AGBL1: variants seen among roughly 807,000 people sequenced by gnomAD.
AGBL1 encodes AGBL carboxypeptidase 1.
A neutral mutation model predicts 118.9 loss-of-function variants in AGBL1; 130 were observed. That is an observed-to-expected ratio of 1.09 (90% CI 0.95 to 1.26). The LOEUF (loss-of-function observed/expected upper bound fraction) is 1.26, where lower values mean the gene tolerates loss of function less well. AGBL1 is among the 50% of genes most tolerant of loss of function. The probability of loss-of-function intolerance (pLI) is 0.00; values close to 1 mark genes in which losing one functional copy is unlikely to be tolerated. For missense variants in AGBL1, 1,584 were observed against 1,298.1 expected (o/e 1.22, Z -3.38); for synonymous variants, 555 against 478.9 (o/e 1.16, Z -2.08).
At chr15:86,763,456 A>G (rs1277971159) in intron 22 of AGBL1, among the ~76,000 whole-genome samples, 1 of 151,976 alleles carries the variant, frequency 6.6e-6, no homozygotes, top group East Asian at 1.9e-4. Flanking sequence ...ACTTTAGTGA[A>G]AAAAACACAT....
intron 18 of AGBL1, among the ~76,000 whole-genome samples, chr15:86,501,239 A>T (rs1426738642): frequency 2.0e-5 from 3 of 151,582 alleles, no homozygotes; most frequent in African/African-American, 7.3e-5. Flanking sequence ...TTTGATTTTC[A>T]TTTACCTAAT....
chr15:86,661,574 A>G (rs549440171), intron 21 of AGBL1, among the ~76,000 whole-genome samples: 24 of 152,106 alleles, frequency 1.6e-4, no homozygotes, highest in Middle Eastern at 3.4e-3. Flanking sequence ...ATTCTTCAGG[A>G]AGCCAAGGAC....
intron 21 of AGBL1, among the ~76,000 whole-genome samples, chr15:86,593,577 T>G (rs1296031623): frequency 1.3e-5 from 2 of 152,198 alleles, no homozygotes; most frequent in Admixed American, 6.5e-5. Context: ...ATAGATAAAT[T>G]GCATGGACTA....
At chr15:86,432,179 A>G (rs2081943060) in intron 18 of AGBL1, among the ~76,000 whole-genome samples, 1 of 152,192 alleles carries the variant, frequency 6.6e-6, no homozygotes, top group Admixed American at 6.5e-5. Context: ...CATACATGTC[A>G]AACTGCAATT....
intron 22 of AGBL1, among the ~76,000 whole-genome samples, chr15:86,854,569 C>A (rs2079452064): frequency 6.6e-6 from 1 of 152,164 alleles, no homozygotes; most frequent in Admixed American, 6.5e-5. Context: ...ATGCACACAA[C>A]CTGATTTTAT....
intron 21 of AGBL1, among the ~76,000 whole-genome samples, chr15:86,589,288 G>C (rs1032964808): frequency 2.0e-5 from 3 of 152,136 alleles, no homozygotes; most frequent in Non-Finnish European, 4.4e-5. Context: ...TACTGCAGAA[G>C]AGTGCAGTGG....
At chr15:86,356,355 T>TGTGCGC (rs151263305) in intron 17 of AGBL1, among the ~76,000 whole-genome samples, 2 of 150,906 alleles carry the variant, frequency 1.3e-5, no homozygotes, top group African/African-American at 4.9e-5. Context: ...TGTGTGTGTG[T>TGTGCGC]GCGCGTGCGC....
chr15:86,226,212 A>G (rs926991502), intron 6 of AGBL1, among the ~76,000 whole-genome samples: 8 of 152,032 alleles, frequency 5.3e-5, no homozygotes, highest in Non-Finnish European at 8.8e-5. Context: ...TTCAGACTGA[A>G]CTTGCTTCAG....
intron 22 of AGBL1, among the ~76,000 whole-genome samples, chr15:86,803,714 G>A (rs2078680795): frequency 6.6e-6 from 1 of 152,084 alleles, no homozygotes. Context: ...AAGTCTTGAA[G>A]GAAAGAGACT....
At chr15:86,285,104 G>T (rs1156981047) in intron 16 of AGBL1, among the ~76,000 whole-genome samples, 1 of 152,046 alleles carries the variant, frequency 6.6e-6, no homozygotes, top group South Asian at 2.1e-4. Flanking sequence ...ACCAGAGATG[G>T]GAGATCATTT....
intron 21 of AGBL1, among the ~76,000 whole-genome samples, chr15:86,572,217 A>AGC (rs140117049): frequency 0.048 from 7,286 of 152,144 alleles, 192 homozygotes; most frequent in South Asian, 0.071. Context: ...GGCCCCCAAG[A>AGC]ACAGAGATGC....
chr15:86,115,556 T>A (rs1897700554), intron 1 of AGBL1, among the ~76,000 whole-genome samples: 1 of 152,186 alleles, frequency 6.6e-6, no homozygotes, highest in Non-Finnish European at 1.5e-5. Context: ...AGTGAAATGC[T>A]CAGAATTATT....
At chr15:86,933,649 G>A (rs1297313411) in intron 23 of AGBL1, among the ~76,000 whole-genome samples, 1 of 152,198 alleles carries the variant, frequency 6.6e-6, no homozygotes, top group African/African-American at 2.4e-5. Context: ...CCTGCTAGGT[G>A]ATTACATCCC....
intron 23 of AGBL1, among the ~76,000 whole-genome samples, chr15:86,972,985 C>A (rs968950632): frequency 1.3e-5 from 2 of 151,736 alleles, no homozygotes; most frequent in Admixed American, 6.6e-5. Flanking sequence ...TGGTTAAGAA[C>A]AAAGAATTTG....
In AGBL1 at chr15:86,679,998, T is replaced by A. The variant is rs114561484; in HGVS notation, c.3158+5562T>A. 5.0e-3 allele frequency among the ~76,000 whole-genome samples: 765 copies of A among 152,292 alleles called. 5 individuals are homozygous for A. Among genetic ancestry groups the A allele is most frequent in the African/African-American group, 0.017 (712 of 41,576 alleles). ...TGAAGTCTGTGCTTGGTTTCTATTG[T>A]TCTATGACCTGGAACACTTTAAATT... On this transcript the variant is annotated intron_variant, in intron 22 of 22. Transcript: ENST00000614907.
At chr15:86,985,383 T>A (rs2081271550) in intron 23 of AGBL1, among the ~76,000 whole-genome samples, 1 of 152,242 alleles carries the variant, frequency 6.6e-6, no homozygotes, top group Non-Finnish European at 1.5e-5. Flanking sequence ...AGTTGCTTTA[T>A]ATCTCATCAG....
intron 15 of AGBL1, among the ~76,000 whole-genome samples, chr15:86,272,357 A>C (rs2079175275): frequency 6.6e-6 from 1 of 152,236 alleles, no homozygotes; most frequent in African/African-American, 2.4e-5. Context: ...CAGATGAAAA[A>C]TAAAATTCAA....
intron 22 of AGBL1, among the ~76,000 whole-genome samples, chr15:86,782,863 C>T (rs1222504571): frequency 6.6e-6 from 1 of 152,150 alleles, no homozygotes; most frequent in Admixed American, 6.5e-5. Flanking sequence ...GACAGTGGGG[C>T]CATTTTTGTT....
chr15:86,299,146 C>T (rs149636623), intron 17 of AGBL1, among the ~76,000 whole-genome samples: 1 of 152,038 alleles, frequency 6.6e-6, no homozygotes, highest in Non-Finnish European at 1.5e-5. Context: ...TTTTGAAATG[C>T]TCCCAATAAA....
Sources: allele counts gnomAD v4.1 joint callset (sites outside exome capture counted in the v4.1 genomes callset), GRCh38; gene constraint gnomAD v4.1.1; transcripts MANE v1.5; gene names NCBI Gene and HGNC (gene_info 2026-07-23, HGNC 2026-07-21).